Variants in RASAL2 observed in about 807,000 individuals in gnomAD.
RASAL2 encodes the protein ras GTPase-activating protein nGAP.
In RASAL2, 58 loss-of-function variants were observed where a neutral mutation model predicts 128.9. The ratio of observed to expected loss-of-function variants is 0.45; its 90% CI spans 0.36 to 0.56. The LOEUF (loss-of-function observed/expected upper bound fraction) is 0.56. RASAL2 is among the 20% of genes least tolerant of loss of function. RASAL2 has a pLI of 0.00. For missense variants in RASAL2, 1,360 were observed against 1,601.6 expected (o/e 0.85, Z 2.57); for synonymous variants, 561 against 580.8 (o/e 0.97, Z 0.49).
At chr1:178,132,277 G>A (rs965300861) in intron 1 of RASAL2, among the ~76,000 whole-genome samples, 30 of 149,402 alleles carry the variant, frequency 2.0e-4, no homozygotes, top group Non-Finnish European at 3.8e-4. Flanking sequence ...GGCTGTTCTC[G>A]AGCTCTTGGG....
intron 9 of RASAL2, among the ~76,000 whole-genome samples, chr1:178,450,901 A>G (rs1382257489): frequency 6.6e-6 from 1 of 152,216 alleles, no homozygotes; most frequent in Non-Finnish European, 1.5e-5. Context: ...TATACAAGGT[A>G]TGGTGTATAC....
intron 4 of RASAL2, among the ~76,000 whole-genome samples, chr1:178,393,688 A>G (rs57816614): frequency 0.068 from 10,314 of 152,208 alleles, 1,126 homozygotes; most frequent in African/African-American, 0.23. Context: ...TTCTTCACAC[A>G]TACCGTAATT....
chr1:178,332,796 A>C (rs1170562455), intron 3 of RASAL2, among the ~76,000 whole-genome samples: 2 of 151,174 alleles, frequency 1.3e-5, no homozygotes, highest in African/African-American at 2.4e-5. Context: ...TTGTATTTTT[A>C]GTAGAGACGG....
At chr1:178,149,414 G>C (rs550591709) in intron 1 of RASAL2, among the ~76,000 whole-genome samples, 1 of 152,082 alleles carries the variant, frequency 6.6e-6, no homozygotes, top group Admixed American at 6.5e-5. Context: ...CTCTAAAATT[G>C]TTGTGGATTT....
chr1:178,342,949 T>C (rs1295651471), intron 3 of RASAL2, among the ~76,000 whole-genome samples: 2 of 152,176 alleles, frequency 1.3e-5, no homozygotes, highest in African/African-American at 4.8e-5. Context: ...TCTGTCTTCA[T>C]ACATTTTCAT....
chr1:178,188,563 G>A (rs927340701), intron 1 of RASAL2, among the ~76,000 whole-genome samples: 3 of 152,026 alleles, frequency 2.0e-5, no homozygotes, highest in African/African-American at 4.8e-5. Flanking sequence ...TTTTTAGTAC[G>A]ATATTAATTA....
At chr1:178,176,127 T>C (rs1015249884) in intron 1 of RASAL2, among the ~76,000 whole-genome samples, 1 of 152,170 alleles carries the variant, frequency 6.6e-6, no homozygotes, top group Non-Finnish European at 1.5e-5. Context: ...TTAAGAAATC[T>C]CCATACTGTT....
chr1:178,314,839 GCAGGTTAGTTACATATGTATA>G (rs1668427701), intron 3 of RASAL2, among the ~76,000 whole-genome samples: 1 of 151,086 alleles, frequency 6.6e-6, no homozygotes, highest in African/African-American at 2.4e-5. Flanking sequence ...TGCACATTGT[GCAGGTTAGTTACATATGTATA>G]CATGTGCCAT....
intron 1 of RASAL2, among the ~76,000 whole-genome samples, chr1:178,225,214 AT>A (rs1291065606): frequency 1.3e-5 from 2 of 151,772 alleles, no homozygotes; most frequent in African/African-American, 4.8e-5. Context: ...TAAGGCTTTT[AT>A]TTTTGCTGTG....
At chr1:178,176,710 A>C (rs531849750) in intron 1 of RASAL2, among the ~76,000 whole-genome samples, 2 of 151,590 alleles carry the variant, frequency 1.3e-5, no homozygotes, top group African/African-American at 4.8e-5. Context: ...CATTGGCGTG[A>C]TCATAGCTCA....
At chr1:178,397,719 C>T (rs1571999800) in intron 4 of RASAL2, among the ~76,000 whole-genome samples, 2 of 152,014 alleles carry the variant, frequency 1.3e-5, no homozygotes, top group South Asian at 2.1e-4. Flanking sequence ...AAACGAACCT[C>T]CCACCTCAGC....
At chr1:178,145,117 G>A (rs1660678800) in intron 1 of RASAL2, among the ~76,000 whole-genome samples, 1 of 152,026 alleles carries the variant, frequency 6.6e-6, no homozygotes, top group Non-Finnish European at 1.5e-5. Flanking sequence ...ACAAGGGAAA[G>A]GTATTTTCCA....
At chr1:178,438,879 CTCTGTG>C (rs1676429900) in intron 5 of RASAL2, among the ~76,000 whole-genome samples, 1 of 78,100 alleles carries the variant, frequency 1.3e-5, no homozygotes, top group Admixed American at 1.4e-4. Flanking sequence ...TGAGCTTCGA[CTCTGTG>C]TGTGTGTGTG....
intron 1 of RASAL2, among the ~76,000 whole-genome samples, chr1:178,221,875 A>G (rs565379916): frequency 8.5e-5 from 13 of 152,120 alleles, no homozygotes; most frequent in Admixed American, 2.0e-4. Context: ...TCCAACTGTA[A>G]TACTGGATTC....
At chr1:178,371,183 G>A (rs1057023658) in intron 3 of RASAL2, among the ~76,000 whole-genome samples, 1 of 151,678 alleles carries the variant, frequency 6.6e-6, no homozygotes, top group Non-Finnish European at 1.5e-5. Context: ...ATGAAAATAT[G>A]TAATGTAAAC....
At chr1:178,197,750 G>A (rs1662716407) in intron 1 of RASAL2, among the ~76,000 whole-genome samples, 1 of 152,036 alleles carries the variant, frequency 6.6e-6, no homozygotes, top group Non-Finnish European at 1.5e-5. Context: ...TGCACAATGT[G>A]CAGGTTTGTT....
At chr1:178,149,283 C>T (rs1468401108) in intron 1 of RASAL2, among the ~76,000 whole-genome samples, 1 of 152,070 alleles carries the variant, frequency 6.6e-6, no homozygotes, top group Admixed American at 6.6e-5. Context: ...ATGTACTAGG[C>T]ATTTGTAGGA....
chr1:178,305,091 A>G (rs1475219032), intron 3 of RASAL2, among the ~76,000 whole-genome samples: 2 of 152,188 alleles, frequency 1.3e-5, no homozygotes, highest in African/African-American at 4.8e-5. Context: ...GGAATTAACC[A>G]AAGAAGTGAG....
chr1:178,287,302 A>G (rs1473961266), intron 2 of RASAL2, among the ~76,000 whole-genome samples: 2 of 151,886 alleles, frequency 1.3e-5, no homozygotes, highest in African/African-American at 2.4e-5. Context: ...CTGCTTGGCA[A>G]TCACAAAACA....
Sources: allele counts gnomAD v4.1 joint callset (sites outside exome capture counted in the v4.1 genomes callset), GRCh38; gene constraint gnomAD v4.1.1; transcripts MANE v1.5; gene names NCBI Gene and HGNC (gene_info 2026-07-23, HGNC 2026-07-21).